Variants in LRRC37A2 observed in about 807,000 individuals in gnomAD.
The protein encoded by LRRC37A2 is leucine rich repeat containing 37 member A2, also known as leucine-rich repeat-containing protein 37A2.
Under a neutral mutation model 68.8 loss-of-function variants are expected in LRRC37A2, and 9 were observed. That is an observed-to-expected ratio of 0.13 (90% CI 0.08 to 0.23). The LOEUF is 0.23. Ranked by LOEUF, LRRC37A2 falls within the 10% of genes least tolerant of loss-of-function variation. The pLI, the probability that LRRC37A2 is intolerant of heterozygous loss-of-function variation, is 1.00. For missense variants in LRRC37A2, 168 were observed against 950.4 expected, an observed-to-expected ratio of 0.18 and a Z score of 10.82; for synonymous variants, 63 against 367.6, an observed-to-expected ratio of 0.17 and a Z score of 9.48.
chr17:46,821,116 C>T, the LRRC37A2 span: 3 of 152,164 alleles, frequency 2.0e-5, no homozygotes, highest in African/African-American at 7.2e-5. Context: ...ACCTGAATGC[C>T]TCCTCCAGGC....
At chr17:46,832,073 G>T in the LRRC37A2 span, among the ~76,000 whole-genome samples, 2 of 152,216 alleles carry the variant, frequency 1.3e-5, no homozygotes, top group Non-Finnish European at 2.9e-5. Flanking sequence ...AGTGCCCAGT[G>T]GCACTATTGG....
At chr17:46,950,291 T>C in the LRRC37A2 span, among the ~76,000 whole-genome samples, 5 of 152,178 alleles carry the variant, frequency 3.3e-5, no homozygotes, top group Non-Finnish European at 5.9e-5. Context: ...GTGTGGACTC[T>C]CTGCCTCTTG....
At chr17:46,966,408 G>A in the LRRC37A2 span, 1 of 564,658 alleles carries the variant, frequency 1.8e-6, no homozygotes, top group Non-Finnish European at 3.2e-6. Flanking sequence ...CCTGGTCCTT[G>A]TGACTTATTT....
At chr17:46,980,666 C>CAAAAAAAAAAAAAAAAAAAAAAAAAAAAA in the LRRC37A2 span, among the ~76,000 whole-genome samples, 5 of 83,884 alleles carry the variant, frequency 6.0e-5, no homozygotes, top group Non-Finnish European at 1.3e-4. Flanking sequence ...ACTAAAAATA[C>CAAAAAAAAAAAAAAAAAAAAAAAAAAAAA]AAAAAAAAAA....
chr17:46,942,860 A>G, the LRRC37A2 span, among the ~76,000 whole-genome samples: 2 of 152,172 alleles, frequency 1.3e-5, no homozygotes, highest in African/African-American at 4.8e-5. Flanking sequence ...AGGAGTGTTC[A>G]GGGGTGCTGG....
chr17:46,872,476 T>C, the LRRC37A2 span: 1 of 1,444,544 alleles, frequency 6.9e-7, no homozygotes, highest in Non-Finnish European at 9.1e-7. Context: ...CTCACCACCA[T>C]CCCCAAGGCT....
chr17:46,786,825 G>A, the LRRC37A2 span, among the ~76,000 whole-genome samples: 1 of 152,234 alleles, frequency 6.6e-6, no homozygotes, highest in African/African-American at 2.4e-5. Context: ...TGGCAACTCA[G>A]GGGATGCTGA....
the LRRC37A2 span, chr17:46,751,522 A>G: frequency 1.2e-6 from 2 of 1,614,058 alleles, no homozygotes; most frequent in Non-Finnish European, 1.7e-6. Flanking sequence ...AACTTCAAGG[A>G]TAAGGAACGC....
At chr17:46,934,318 C>G in the LRRC37A2 span, among the ~76,000 whole-genome samples, 1 of 152,090 alleles carries the variant, frequency 6.6e-6, no homozygotes, top group African/African-American at 2.4e-5. Context: ...GCCTGAGCAA[C>G]ATGGTGAAAC....
chr17:46,830,086 T>C, the LRRC37A2 span, among the ~76,000 whole-genome samples: 706 of 152,230 alleles, frequency 4.6e-3, 6 homozygotes, highest in African/African-American at 0.016. Flanking sequence ...TTGAGGACTG[T>C]TGGTGACGAG....
At chr17:46,916,823 C>G in the LRRC37A2 span, 1 of 152,184 alleles carries the variant, frequency 6.6e-6, no homozygotes, top group Non-Finnish European at 1.5e-5. Flanking sequence ...AAGAGCATGG[C>G]ACCGTCATCT....
At chr17:46,892,737 G>T in the LRRC37A2 span, among the ~76,000 whole-genome samples, 1 of 152,108 alleles carries the variant, frequency 6.6e-6, no homozygotes, top group Non-Finnish European at 1.5e-5. Flanking sequence ...CCTGTGATGT[G>T]CCAGGCCAGG....
At chr17:46,936,535 C>T in the LRRC37A2 span, 31 of 985,436 alleles carry the variant, frequency 3.1e-5, no homozygotes, top group East Asian at 3.4e-4. Flanking sequence ...ACCCTGCCTC[C>T]GTCGGGATTT....
the LRRC37A2 span, among the ~76,000 whole-genome samples, chr17:46,646,502 CAAAAAAAAAAAAAAAAAAAA>C: frequency 2.0e-3 from 1 of 494 alleles, no homozygotes; most frequent in Non-Finnish European, 0.016. Context: ...GACTCCATCT[CAAAAAAAAAAAAAAAAAAAA>C]AAAAAAAAAA....
At chr17:46,866,354 G>C in the LRRC37A2 span, among the ~76,000 whole-genome samples, 6 of 152,200 alleles carry the variant, frequency 3.9e-5, no homozygotes, top group East Asian at 1.2e-3. Flanking sequence ...GTGTGTGAGA[G>C]TGTGTGTGTG....
the LRRC37A2 span, among the ~76,000 whole-genome samples, chr17:46,862,559 G>A: frequency 6.6e-6 from 1 of 152,294 alleles, no homozygotes; most frequent in East Asian, 1.9e-4. Flanking sequence ...GCGAGAGGTT[G>A]TGCAAGCTGA....
the LRRC37A2 span, chr17:46,770,200 C>T: frequency 9.0e-7 from 1 of 1,106,228 alleles, no homozygotes; most frequent in African/African-American, 1.6e-5. Flanking sequence ...AGCTTCCCCA[C>T]CCTCTTTGGC....
the LRRC37A2 span, chr17:46,833,485 C>T: frequency 4.2e-6 from 2 of 474,902 alleles, no homozygotes; most frequent in Non-Finnish European, 8.4e-6. Flanking sequence ...CCCGACTCCC[C>T]ATCTGGTCAC....
the LRRC37A2 span, among the ~76,000 whole-genome samples, chr17:47,038,105 G>A: frequency 0.12 from 17,719 of 151,902 alleles, 1,119 homozygotes; most frequent in South Asian, 0.22. Context: ...GGAGTTCGAG[G>A]CCAGCCAGGG....
Sources: gnomAD v4.1 joint callset for allele counts (sites outside exome capture counted in the v4.1 genomes callset) on GRCh38, gnomAD v4.1.1 for gene constraint, MANE v1.5 for transcripts, NCBI Gene and HGNC (gene_info 2026-07-23, HGNC 2026-07-21) for gene names.